Variants in SGCD observed in about 807,000 individuals in gnomAD.
SGCD encodes sarcoglycan delta, also known as delta-sarcoglycan.
In SGCD, 18 loss-of-function variants were observed where a neutral mutation model predicts 36.6. The ratio of observed to expected loss-of-function variants is 0.49; its 90% CI spans 0.34 to 0.73. The LOEUF is 0.73. Among genes scored for constraint, SGCD ranks in the 30% least tolerant of loss-of-function variants. The probability of loss-of-function intolerance (pLI) is 0.01; values close to 1 mark genes in which losing one functional copy is unlikely to be tolerated. For synonymous variants in SGCD, 133 were observed against 130.6 expected, an observed-to-expected ratio of 1.02 and a Z score of -0.12; for missense variants, 387 against 346.7, an observed-to-expected ratio of 1.12 and a Z score of -0.92.
intron 1 of SGCD, among the ~76,000 whole-genome samples, chr5:155,889,779 T>A (rs1385061356): frequency 1.3e-5 from 2 of 152,186 alleles, no homozygotes; most frequent in African/African-American, 4.8e-5. Flanking sequence ...ACAGACCGTA[T>A]TTGGGGCAAC....
At chr5:156,317,288 A>G (rs925932405) in intron 3 of SGCD, among the ~76,000 whole-genome samples, 2 of 152,144 alleles carry the variant, frequency 1.3e-5, no homozygotes, top group Non-Finnish European at 2.9e-5. Context: ...AGCCACTTTT[A>G]CTGAGATTAT....
chr5:155,944,697 A>G (rs747398735), intron 1 of SGCD, among the ~76,000 whole-genome samples: 6 of 152,202 alleles, frequency 3.9e-5, no homozygotes, highest in Non-Finnish European at 7.3e-5. Context: ...CTTACCCTCA[A>G]GAAACTCATT....
chr5:156,301,532 T>G (rs1042146311), intron 3 of SGCD, among the ~76,000 whole-genome samples: 1 of 152,110 alleles, frequency 6.6e-6, no homozygotes, highest in Non-Finnish European at 1.5e-5. Flanking sequence ...AAGATTTGAG[T>G]AGTTTAAATA....
chr5:156,309,705 C>T (rs1235654032), intron 3 of SGCD, among the ~76,000 whole-genome samples: 1 of 149,204 alleles, frequency 6.7e-6, no homozygotes, highest in Non-Finnish European at 1.5e-5. Context: ...TCAGACTGGT[C>T]TTGAACTCCT....
chr5:156,128,489 A>C (rs187357885), intron 3 of SGCD, among the ~76,000 whole-genome samples: 5 of 151,474 alleles, frequency 3.3e-5, no homozygotes, highest in African/African-American at 9.8e-5. Context: ...ACAAAAAAAA[A>C]TGGATAAACT....
At chr5:156,401,441 A>T (rs9313910) in intron 3 of SGCD, among the ~76,000 whole-genome samples, 78,649 of 151,970 alleles carry the variant, frequency 0.52, 21,148 homozygotes, top group African/African-American at 0.67. Context: ...TTGTTCTTTC[A>T]TTGGCAAAGC....
At chr5:156,174,668 G>A (rs1763424023) in intron 3 of SGCD, among the ~76,000 whole-genome samples, 1 of 152,154 alleles carries the variant, frequency 6.6e-6, no homozygotes, top group Non-Finnish European at 1.5e-5. Flanking sequence ...TAGGGTTATG[G>A]TACATAAAGT....
chr5:156,487,813 A>AAAAAAAAAAAAAAG (rs1554107842), intron 3 of SGCD, among the ~76,000 whole-genome samples: 11 of 77,810 alleles, frequency 1.4e-4, no homozygotes, highest in East Asian at 4.4e-4. Context: ...AAAAAAAAAA[A>AAAAAAAAAAAAAAG]AAAGAAAGAA....
intron 3 of SGCD, among the ~76,000 whole-genome samples, chr5:156,384,449 T>A (rs1006005853): frequency 1.3e-5 from 2 of 152,220 alleles, no homozygotes; most frequent in African/African-American, 4.8e-5. Context: ...TTGGCTCTCT[T>A]TCACTAGGAT....
intron 3 of SGCD, among the ~76,000 whole-genome samples, chr5:156,441,413 T>G (rs533002471): frequency 6.6e-6 from 1 of 152,308 alleles, no homozygotes; most frequent in South Asian, 2.1e-4. Flanking sequence ...TGTAAATAGC[T>G]AAATATCACA....
At chr5:156,649,437 AATAG>A (rs1763368904) in intron 7 of SGCD, among the ~76,000 whole-genome samples, 1 of 152,196 alleles carries the variant, frequency 6.6e-6, no homozygotes, top group Non-Finnish European at 1.5e-5. Flanking sequence ...CACTATTCAT[AATAG>A]CAAAGACTTG....
At chr5:156,207,372 A>G (rs1422919742) in intron 3 of SGCD, among the ~76,000 whole-genome samples, 2 of 152,116 alleles carry the variant, frequency 1.3e-5, no homozygotes, top group Non-Finnish European at 1.5e-5. Flanking sequence ...ATATTTCTGG[A>G]CCTCAATTTT....
chr5:156,290,927 G>A (rs1766741893), intron 3 of SGCD, among the ~76,000 whole-genome samples: 1 of 152,084 alleles, frequency 6.6e-6, no homozygotes, highest in Non-Finnish European at 1.5e-5. Context: ...GGACATAGTG[G>A]CTCTGTTGCA....
intron 1 of SGCD, among the ~76,000 whole-genome samples, chr5:156,103,597 T>A (rs1224204073): frequency 6.6e-6 from 1 of 152,122 alleles, no homozygotes; most frequent in Non-Finnish European, 1.5e-5. Context: ...ACATTGAATT[T>A]AAAAGAATCA....
chr5:155,935,406 C>G (rs1757175010), intron 1 of SGCD, among the ~76,000 whole-genome samples: 1 of 152,122 alleles, frequency 6.6e-6, no homozygotes, highest in Admixed American at 6.5e-5. Flanking sequence ...TCACTGCCCT[C>G]ATGGAACTTC....
chr5:156,261,091 T>C (rs1314827419), intron 3 of SGCD, among the ~76,000 whole-genome samples: 1 of 152,180 alleles, frequency 6.6e-6, no homozygotes, highest in Admixed American at 6.5e-5. Context: ...TTTGTGTCTA[T>C]GTTCACAAGC....
chr5:156,732,076 A>G (rs1000381784), intron 7 of SGCD, among the ~76,000 whole-genome samples: 1 of 152,174 alleles, frequency 6.6e-6, no homozygotes, highest in Non-Finnish European at 1.5e-5. Flanking sequence ...CTATAGAGTC[A>G]TGTCATTTGT....
chr5:156,319,499 A>T (rs1487129222), intron 3 of SGCD, among the ~76,000 whole-genome samples: 1 of 152,224 alleles, frequency 6.6e-6, no homozygotes, highest in African/African-American at 2.4e-5. Flanking sequence ...TAGGAATGCT[A>T]AAAAGGACTT....
chr5:156,746,879 A>G (rs1009348075), intron 7 of SGCD, among the ~76,000 whole-genome samples: 2 of 152,016 alleles, frequency 1.3e-5, no homozygotes, highest in African/African-American at 4.8e-5. Context: ...CAAAATTAAA[A>G]TAAAAATTTT....
Sources: gnomAD v4.1 joint callset for allele counts (sites outside exome capture counted in the v4.1 genomes callset) on GRCh38, gnomAD v4.1.1 for gene constraint, MANE v1.5 for transcripts, NCBI Gene and HGNC (gene_info 2026-07-23, HGNC 2026-07-21) for gene names.